PTPN9: variants seen among roughly 807,000 people sequenced by gnomAD.
The protein encoded by PTPN9 is protein tyrosine phosphatase non-receptor type 9.
PTPN9 carries 26 observed loss-of-function variants against 69.8 expected under a neutral mutation model. That is an observed-to-expected ratio of 0.37 (90% CI 0.27 to 0.52). PTPN9 has a LOEUF of 0.52. PTPN9 is among the 20% of genes least tolerant of loss of function. PTPN9 has a pLI of 0.91. For missense variants in PTPN9, 549 were observed against 740.3 expected (o/e 0.74, Z 3.00); for synonymous variants, 274 against 272.5 (o/e 1.01, Z -0.05).
chr15:75,486,334 C>T lies in PTPN9; in HGVS notation c.1062+3874G>A, dbSNP rs567770861. On this transcript the variant is annotated intron_variant, in intron 8 of 12. Transcript: ENST00000618819. ...GGTGATTAGGACCATGAGGACAGAGCTCTCACAAATGGGATTAGTGCCCTT... is the reference window on the plus strand; with the variant it reads ...GGTGATTAGGACCATGAGGACAGAGTTCTCACAAATGGGATTAGTGCCCTT... 2.6e-5 allele frequency among the ~76,000 whole-genome samples: 4 copies of T among 152,212 alleles called. No individual in the cohort carries two copies. The East Asian group carries it at 5.8e-4, about 22-fold the overall frequency.
At position 75,467,618 on chromosome 15, in the gene PTPN9, C is replaced by G. The variant is rs1435601205; in HGVS notation, c.*1151G>C. ...GGGCCAAGCTGCATAAAGGAACCAT[C>G]CAGCAAAAGAAAAAGGGCCCCAGCT... is the stretch of plus-strand genomic sequence containing the variant. On this transcript the variant is annotated 3_prime_UTR_variant, in exon 13 of 13. Coordinates refer to ENST00000618819, the MANE Select transcript of PTPN9 (RefSeq NM_002833.4). The G allele has an allele frequency of 6.6e-6, 1 of 152,590 alleles. No homozygotes were observed. The highest frequency in any genetic ancestry group is 2.4e-5 in the African/African-American group (1 of 41,420). 9.5% of individuals were successfully genotyped at this position (152,590 alleles called of 1,614,324 possible).
chr15:75,564,610 A>AT (rs2075119030), intron 1 of PTPN9, among the ~76,000 whole-genome samples: 1 of 151,686 alleles, frequency 6.6e-6, no homozygotes, highest in South Asian at 2.1e-4. Flanking sequence ...AAAAAAAAAA[A>AT]ATATGACACC....
At chr15:75,503,333 G>C (rs2074785421) in intron 7 of PTPN9, among the ~76,000 whole-genome samples, 1 of 139,154 alleles carries the variant, frequency 7.2e-6, no homozygotes, top group Non-Finnish European at 1.5e-5. Flanking sequence ...TCGCGACCCC[G>C]TCTGGGAGGT....
chr15:75,550,675 T>G (rs1322195030), intron 1 of PTPN9, among the ~76,000 whole-genome samples: 1 of 151,660 alleles, frequency 6.6e-6, no homozygotes, highest in Non-Finnish European at 1.5e-5. Context: ...TAATCCCAAC[T>G]ATTAGGGAGG....
chr15:75,473,754 A>G lies in PTPN9; in HGVS notation c.1143T>C (p.Asn381=), dbSNP rs779982140. 5.1e-6 allele frequency: 8 copies of G among 1,576,576 alleles called. No homozygotes were observed. Among genetic ancestry groups the G allele is most frequent in the Non-Finnish European group, 7.0e-6 (8 of 1,145,870 alleles). The change falls in exon 10 of 13, where the codon AAT becomes AAC. Residue 381 remains asparagine, a synonymous_variant. Coordinates refer to ENST00000618819, the MANE Select transcript of PTPN9 (RefSeq NM_002833.4). ...CCATGAGCCAGAAATCACGATAGGT[A>G]TTCTCCAAAGGACCTGAAATAAAAG... The part of the protein sequence containing the change: ...AYIGTQGPLE[N]TYRDFWLMVW...
rs1281864160 is a variant in PTPN9, at chr15:75,547,296, A to C, written c.64-20035T>G. 3.0e-3 allele frequency among the ~76,000 whole-genome samples: 46 copies of C among 15,182 alleles called. 1 individual carries two copies. Among genetic ancestry groups the C allele is most frequent in the Non-Finnish European group, 2.5e-3 (19 of 7,750 alleles). The allele number at this position is 15,182 out of a possible 152,430, so 10.0% of individuals were successfully genotyped here. A position where few individuals can be genotyped will look rare whatever the true frequency, so the allele number is the denominator to read the frequency against. On this transcript the variant is annotated intron_variant, in intron 1 of 12. Transcript: ENST00000618819. ...GCCGACAGAGCAAGACTCTGTCTCA[A>C]AAAAAAAAAAAAAAAAAAAAGGCCA... is the stretch of plus-strand genomic sequence containing the variant.
At chr15:75,555,123 T>C (rs2075071444) in intron 1 of PTPN9, among the ~76,000 whole-genome samples, 1 of 152,212 alleles carries the variant, frequency 6.6e-6, no homozygotes, top group Non-Finnish European at 1.5e-5. Context: ...AGAAAAATCA[T>C]GATAAATGCT....
At chr15:75,503,608 C>T (rs1369201573) in intron 7 of PTPN9, among the ~76,000 whole-genome samples, 3 of 41,296 alleles carry the variant, frequency 7.3e-5, no homozygotes, top group African/African-American at 9.5e-5. Flanking sequence ...GGGTCAGCCC[C>T]CCGCCCGGCC....
chr15:75,539,496 C>CG (rs1465844934), intron 1 of PTPN9, among the ~76,000 whole-genome samples: 2 of 145,844 alleles, frequency 1.4e-5, no homozygotes, highest in Non-Finnish European at 3.0e-5. Flanking sequence ...TTAGTAGAGA[C>CG]GGGGTTTCAC....
Position 75,473,679 on chromosome 15 carries a change from A to G in PTPN9, c.1208+10T>C. The G allele has an allele frequency of 6.5e-7, 1 of 1,543,680 alleles. No individual in the cohort carries two copies. Among genetic ancestry groups the G allele is most frequent in the Non-Finnish European group, 9.0e-7 (1 of 1,116,036 alleles). On this transcript the variant is annotated intron_variant, in intron 10 of 12. Transcript: ENST00000618819. ...AGGTGGAGACCTTTGGAAAAAAGGG[A>G]TTAACTCACCGGGTGGTCATGACAA...
At chr15:75,550,255 T>TC (rs2075051579) in intron 1 of PTPN9, among the ~76,000 whole-genome samples, 1 of 141,392 alleles carries the variant, frequency 7.1e-6, no homozygotes, top group Non-Finnish European at 1.5e-5. Flanking sequence ...AACCTCCACC[T>TC]CCCGGATTCA....
At chr15:75,559,475 A>G (rs772100329) in intron 1 of PTPN9, among the ~76,000 whole-genome samples, 3 of 152,198 alleles carry the variant, frequency 2.0e-5, no homozygotes, top group African/African-American at 7.2e-5. Context: ...CCTTGCCCCC[A>G]GCCCGATGCT....
intron 1 of PTPN9, among the ~76,000 whole-genome samples, chr15:75,566,083 T>C (rs1215193388): frequency 1.3e-5 from 2 of 151,974 alleles, no homozygotes; most frequent in African/African-American, 4.8e-5. Context: ...ATTTTGTAAA[T>C]ACAAGGGATT....
At chr15:75,472,117 C>T (rs1335485865) in intron 10 of PTPN9, among the ~76,000 whole-genome samples, 1 of 152,060 alleles carries the variant, frequency 6.6e-6, no homozygotes, top group Non-Finnish European at 1.5e-5. Flanking sequence ...TAGGTTATTC[C>T]TTAAATTTGC....
intron 1 of PTPN9, among the ~76,000 whole-genome samples, chr15:75,543,526 A>C (rs893142278): frequency 6.6e-6 from 1 of 152,170 alleles, no homozygotes; most frequent in Non-Finnish European, 1.5e-5. Context: ...TACAAGACAC[A>C]TATCATTCAT....
In PTPN9 at chr15:75,501,985, C is replaced by T. The variant is rs151272140; in HGVS notation, c.968+3690G>A. ...CCAGCCTGGGCAACATGCCAAAACCCCATCTCTTCAAAAAATAAAAAATGA... is the reference window on the plus strand; with the variant it reads ...CCAGCCTGGGCAACATGCCAAAACCTCATCTCTTCAAAAAATAAAAAATGA... On this transcript the variant is annotated intron_variant, in intron 7 of 12. Transcript: ENST00000618819. Among the ~76,000 whole-genome samples, 531 of 151,996 alleles carry T rather than the reference C, an allele frequency of 3.5e-3. 1 individual carries two copies. The highest frequency in any genetic ancestry group is 0.012 in the African/African-American group (492 of 41,446).
intron 1 of PTPN9, among the ~76,000 whole-genome samples, chr15:75,552,324 T>C (rs2075059856): frequency 1.3e-5 from 2 of 152,038 alleles, no homozygotes; most frequent in Admixed American, 1.3e-4. Context: ...GTAGAATCAC[T>C]TGAACCCAGG....
At chr15:75,551,272 G>A (rs557483713) in intron 1 of PTPN9, among the ~76,000 whole-genome samples, 105 of 151,918 alleles carry the variant, frequency 6.9e-4, no homozygotes, top group Non-Finnish European at 1.3e-3. Flanking sequence ...GGAAATGAAG[G>A]CCCAGAGAAG....
intron 1 of PTPN9, among the ~76,000 whole-genome samples, chr15:75,537,519 T>G (rs537991521): frequency 1.8e-4 from 22 of 119,524 alleles, no homozygotes; most frequent in African/African-American, 6.7e-4. Flanking sequence ...TTTGGGAGGC[T>G]TAGGTGGGTG....
Sources: gnomAD v4.1 joint callset for allele counts (sites outside exome capture counted in the v4.1 genomes callset) on GRCh38, gnomAD v4.1.1 for gene constraint, MANE v1.5 for transcripts, NCBI Gene and HGNC (gene_info 2026-07-23, HGNC 2026-07-21) for gene names.